TRPM2: variants seen among roughly 807,000 people sequenced by gnomAD.
TRPM2 encodes the protein estrogen-responsive element-associated gene 1 protein.
Under a neutral mutation model 174.0 loss-of-function variants are expected in TRPM2, and 161 were observed. The observed-to-expected ratio is 0.93, with a 90% confidence interval of 0.81 to 1.05. The LOEUF (loss-of-function observed/expected upper bound fraction) is 1.05, where lower values mean the gene tolerates loss of function less well. Among genes scored for constraint, TRPM2 ranks in the 50% least tolerant of loss-of-function variants. The probability of loss-of-function intolerance (pLI) is 0.00; values close to 1 mark genes in which losing one functional copy is unlikely to be tolerated. For synonymous variants in TRPM2, 954 were observed against 861.3 expected (o/e 1.11, Z -1.88); for missense variants, 2,057 against 2,038.0 (o/e 1.01, Z -0.18).
intron 19 of TRPM2, among the ~76,000 whole-genome samples, chr21:44,409,998 G>A (rs1006796529): frequency 3.9e-5 from 6 of 152,092 alleles, no homozygotes; most frequent in Middle Eastern, 3.4e-3. Flanking sequence ...GCGTAGCCTT[G>A]TAGTAAGTTT....
In TRPM2 at chr21:44,395,506, C is replaced by T; in HGVS notation, c.1887C>T (p.Ala629=). 6.2e-7 allele frequency: 1 copy of T among 1,613,096 alleles called. No individual in the cohort carries two copies. ...CCATCCGTGACCTTCTCATTTGGGC[C>T]ATTGTCCAGAACCGTCGGGAGCTGG... The part of the protein sequence containing the change: ...MDPIRDLLIW[A]IVQNRRELAG... The change falls in exon 12 of 32, where the codon GCC becomes GCT. Residue 629 remains alanine (A), a synonymous_variant. Transcript: ENST00000397928.
In TRPM2 at chr21:44,424,871, C is replaced by G. The variant is rs1302696672; in HGVS notation, c.3569C>G (p.Ala1190Gly). ...TTCCAGGTGGCCCAGACAGCCCAAG[C>G]CCTGCACTGGATCGTGAGGACGCTG... The part of the protein sequence containing the change: ...LEEQVAQTAQ[A>G]LHWIVRTLRA... Residue 1190 changes from alanine to glycine, a missense_variant, in exon 24 of 32, where the codon GCC (alanine) becomes GGC (glycine). Physicochemically the swap from Ala to Gly is moderately conservative, Grantham distance 60 (BLOSUM62 0). Coordinates refer to ENST00000397928, the MANE Select transcript of TRPM2 (RefSeq NM_003307.4). The G allele has an allele frequency of 6.2e-7, 1 of 1,606,404 alleles. No homozygotes were observed. The highest frequency in any genetic ancestry group is 8.5e-7 in the Non-Finnish European group (1 of 1,177,578).
chr21:44,404,955 G>T (rs2049814251), intron 16 of TRPM2, among the ~76,000 whole-genome samples, 187 bp from the exon 17 acceptor site: 1 of 138,740 alleles, frequency 7.2e-6, no homozygotes, highest in East Asian at 2.1e-4. Flanking sequence ...TAGTGACAGT[G>T]ACTGTGATGA....
At chr21:44,420,842 A>C (rs1489862556) in intron 22 of TRPM2, among the ~76,000 whole-genome samples, 1 of 152,226 alleles carries the variant, frequency 6.6e-6, no homozygotes, top group Non-Finnish European at 1.5e-5. Context: ...CACCTGCATC[A>C]TCTCGCTCAA....
At chr21:44,421,046 G>A (rs1440006435) in intron 22 of TRPM2, among the ~76,000 whole-genome samples, 3 of 152,100 alleles carry the variant, frequency 2.0e-5, no homozygotes, top group East Asian at 1.9e-4. Context: ...CAGGCCGGGC[G>A]CGGTGGCTCA....
At chr21:44,363,329 AG>A (rs1462692061) in intron 2 of TRPM2, among the ~76,000 whole-genome samples, 4 of 151,976 alleles carry the variant, frequency 2.6e-5, no homozygotes, top group Non-Finnish European at 5.9e-5. Context: ...CAGGTCCCAG[AG>A]GTTTTGTTTA....
In TRPM2 at chr21:44,354,612, T is replaced by C. The variant is rs764198267; in HGVS notation, c.166-36T>C. ...AGGGGGCTGGGTGTGCTCTTTCGAA[T>C]GTTGGAAGATCTCAGTGTGCTGTCT... On this transcript the variant is annotated intron_variant, in intron 1 of 31. Transcript: ENST00000397928. This position sits in a 1 kb window ranked among gnomAD's most constrained non-coding sequence, Gnocchi z 4.3. 1 of 1,586,300 alleles carries C rather than the reference T, an allele frequency of 6.3e-7. No individual in the cohort carries two copies. The highest frequency in any genetic ancestry group is 2.2e-5 in the East Asian group (1 of 44,734).
At chr21:44,381,294 G>A (rs1450425026) in intron 8 of TRPM2, among the ~76,000 whole-genome samples, 4 of 152,074 alleles carry the variant, frequency 2.6e-5, no homozygotes, top group East Asian at 3.9e-4. Flanking sequence ...GGGAAGATGC[G>A]TTTGTGGAGT....
At chr21:44,390,757 G>A in intron 9 of TRPM2, 147 bp from the exon 10 acceptor site, 1 of 1,019,636 alleles carries the variant, frequency 9.8e-7, no homozygotes, top group East Asian at 2.4e-5. Flanking sequence ...GTGTGTATGG[G>A]AGGAGGTCAC....
intron 20 of TRPM2, among the ~76,000 whole-genome samples, chr21:44,417,229 C>G (rs1227799924): frequency 7.5e-6 from 1 of 133,398 alleles, no homozygotes; most frequent in Non-Finnish European, 1.6e-5. Context: ...ACAGTGGGCA[C>G]AAGGGCGTGG....
At chr21:44,412,191 T>A (rs2050130736) in intron 19 of TRPM2, among the ~76,000 whole-genome samples, 1 of 152,200 alleles carries the variant, frequency 6.6e-6, no homozygotes, top group Non-Finnish European at 1.5e-5. Context: ...CGTGAACATT[T>A]GGTAGAATTC....
At chr21:44,382,635 C>A (rs1446126013) in intron 8 of TRPM2, 83 bp from the exon 9 acceptor site, 2 of 1,361,478 alleles carry the variant, frequency 1.5e-6, no homozygotes, top group Non-Finnish European at 1.0e-6. Flanking sequence ...CTGGCTGTGT[C>A]CGGGGCCTCA....
In TRPM2 at chr21:44,437,071, G is replaced by A; in HGVS notation, c.4071G>A (p.Arg1357=). The stretch of plus-strand genomic sequence containing the variant: ...GCCGCTCTCTCCGCAGGTGGAGGCG[G>A]AACGAGGATGGAGCCATCTGCAGGA... ...TLYPMVTRWR[R]NEDGAICRKS... The change falls in exon 29 of 32, where the codon CGG becomes CGA. Residue 1357 remains arginine, a synonymous_variant. Coordinates refer to ENST00000397928, the MANE Select transcript of TRPM2 (RefSeq NM_003307.4). 1.3e-6 allele frequency: 2 copies of A among 1,550,634 alleles called. No homozygotes were observed. The highest frequency in any genetic ancestry group is 1.7e-6 in the Non-Finnish European group (2 of 1,146,834).
At chr21:44,406,063 A>C (rs1421365156) in intron 18 of TRPM2, 26 bp downstream of exon 18, 24 of 1,600,098 alleles carry the variant, frequency 1.5e-5, no homozygotes, top group Non-Finnish European at 2.0e-5. Context: ...CACCGGCTCC[A>C]TCGCGGCCTG....
At chr21:44,357,879 C>T (rs1382974040) in intron 2 of TRPM2, among the ~76,000 whole-genome samples, 3 of 152,192 alleles carry the variant, frequency 2.0e-5, no homozygotes, top group African/African-American at 7.2e-5. Flanking sequence ...TCTCATCTCA[C>T]CAACCACGGT....
rs1041011464 is a variant in TRPM2 at position 44,427,083 on chromosome 21, C to T, written c.3946C>T (p.Pro1316Ser). 6.2e-6 allele frequency: 10 copies of T among 1,604,082 alleles called. No homozygotes were observed. The African/African-American group carries it at 1.2e-4, about 19-fold the overall frequency. Reference protein sequence around the residue: ...GLRDRRSFHGPYTVQAGLPLN... With the variant: ...GLRDRRSFHGSYTVQAGLPLN... Reference sequence around the variant, plus strand: ...GAGGGACCGCCGGAGCTTCCACGGGCCGTACACAGTGCAGGCCGGGTTGCC... The same window carrying T: ...GAGGGACCGCCGGAGCTTCCACGGGTCGTACACAGTGCAGGCCGGGTTGCC... The change falls in exon 27 of 32, where the codon CCG (proline) becomes TCG (serine). Residue 1316 changes from proline (P) to serine (S), a missense_variant. Pro to Ser is a moderately conservative substitution (Grantham distance 74, BLOSUM62 -1). Coordinates refer to ENST00000397928, the MANE Select transcript of TRPM2 (RefSeq NM_003307.4).
chr21:44,399,617 C>CA lies in TRPM2; in HGVS notation c.2208+177dup, dbSNP rs2049546633. Among the ~76,000 whole-genome samples, 3 of 152,186 alleles carry CA rather than the reference C, an allele frequency of 2.0e-5. No homozygotes were observed. The South Asian group carries it at 6.2e-4, about 31-fold the overall frequency. The stretch of plus-strand genomic sequence containing the variant: ...CTCCAGGCTCTGGCCTCCCATTTTG[C>CA]AGATGGGGGGAAGCTAACATGAAGC... On this transcript the variant is annotated intron_variant, in intron 14 of 31. Transcript: ENST00000397928. This position sits in a 1 kb window ranked among gnomAD's most constrained non-coding sequence, Gnocchi z 4.6.
At chr21:44,359,599 GT>G (rs201204448) in intron 2 of TRPM2, among the ~76,000 whole-genome samples, 5 of 148,544 alleles carry the variant, frequency 3.4e-5, no homozygotes, top group Admixed American at 6.8e-5. Context: ...TTTTTTGTTT[GT>G]TTTTTTTTAA....
chr21:44,366,962 G>A lies in TRPM2; in HGVS notation c.604+28G>A, dbSNP rs1452677871. ...AACTCGGAGGCTGGAGGGACACGAGGCCCCGGCGGGTGGGGTGGGCTGTGG... is the reference window on the plus strand; with the variant it reads ...AACTCGGAGGCTGGAGGGACACGAGACCCCGGCGGGTGGGGTGGGCTGTGG... On this transcript the variant is annotated intron_variant, in intron 4 of 31. Coordinates refer to ENST00000397928, the MANE Select transcript of TRPM2 (RefSeq NM_003307.4). The surrounding 1 kb of genome is among the most constrained non-coding windows in gnomAD (Gnocchi z 6.0). 3 of 1,548,714 alleles carry A rather than the reference G, an allele frequency of 1.9e-6. No individual in the cohort carries two copies. The highest frequency in any genetic ancestry group is 2.6e-6 in the Non-Finnish European group (3 of 1,144,458).
Sources: gnomAD v4.1 joint callset for allele counts (sites outside exome capture counted in the v4.1 genomes callset) on GRCh38, gnomAD v4.1.1 for gene constraint, Gnocchi (gnomAD v3.1) non-coding constraint, MANE v1.5 for transcripts, NCBI Gene and HGNC (gene_info 2026-07-23, HGNC 2026-07-21) for gene names.